The following RIPK4 variants were observed in gnomAD, a reference collection of about 807,000 sequenced individuals.
The protein encoded by RIPK4 is receptor-interacting serine/threonine-protein kinase 4.
RIPK4 carries 17 observed loss-of-function variants against 42.9 expected under a neutral mutation model. That is an observed-to-expected ratio of 0.40 (90% CI 0.27 to 0.59). The LOEUF (loss-of-function observed/expected upper bound fraction) is 0.59, where lower values mean the gene tolerates loss of function less well. Ranked by LOEUF, RIPK4 falls within the 20% of genes least tolerant of loss-of-function variation. The pLI, the probability that RIPK4 is intolerant of heterozygous loss-of-function variation, is 0.47. For missense variants in RIPK4, 897 were observed against 1,104.4 expected (o/e 0.81, Z 2.66); for synonymous variants, 498 against 499.1 (o/e 1.00, Z 0.03).
chr21:41,752,302 A>G (rs1432223313), intron 2 of RIPK4, among the ~76,000 whole-genome samples: 1 of 152,214 alleles, frequency 6.6e-6, no homozygotes, highest in Non-Finnish European at 1.5e-5. Context: ...AGGCTGAGTC[A>G]GGCCTTAATT....
At chr21:41,757,794 T>C (rs1484887113) in intron 1 of RIPK4, among the ~76,000 whole-genome samples, 3 of 149,130 alleles carry the variant, frequency 2.0e-5, no homozygotes, top group Admixed American at 1.3e-4. Flanking sequence ...AGGTCAGGAG[T>C]TCGAGACCAG....
intron 1 of RIPK4, among the ~76,000 whole-genome samples, chr21:41,759,779 C>T (rs542490763): frequency 1.2e-4 from 18 of 152,300 alleles, no homozygotes; most frequent in Admixed American, 1.0e-3. Flanking sequence ...GAGAGTTCAG[C>T]CCCTCCTAGG....
intron 1 of RIPK4, 65 bp downstream of exon 1, chr21:41,766,795 G>A: frequency 6.6e-7 from 1 of 1,512,608 alleles, no homozygotes; most frequent in South Asian, 1.2e-5. Context: ...CCCGGGACCA[G>A]AGCACCCCGA....
At chr21:41,760,587 C>A (rs1380903978) in intron 1 of RIPK4, among the ~76,000 whole-genome samples, 1 of 152,170 alleles carries the variant, frequency 6.6e-6, no homozygotes. Context: ...CTTGGCAAAG[C>A]AGAGAGGGGA....
Position 41,742,089 on chromosome 21 carries a change from G to A in RIPK4, c.1196-92C>T. On this transcript the variant is annotated intron_variant, in intron 7 of 7. Transcript: ENST00000332512. The surrounding 1 kb of genome is among the most constrained non-coding windows in gnomAD (Gnocchi z 5.1). ...GCCTGGCTGTGGCGCTCAGGTGGAG[G>A]AGTGCCATGGCCTCCAGGCTGCTCG... 1 of 1,144,018 alleles carries A rather than the reference G, an allele frequency of 8.7e-7. No homozygotes were observed. The highest frequency in any genetic ancestry group is 1.2e-6 in the Non-Finnish European group (1 of 803,684). The allele number at this position is 1,144,018 out of a possible 1,614,324, so 70.9% of individuals were successfully genotyped here.
Position 41,742,031 on chromosome 21 carries a change from G to A in RIPK4, c.1196-34C>T, listed in dbSNP as rs1355371001. The A allele has an allele frequency of 6.5e-7, 1 of 1,535,642 alleles. No homozygotes were observed. Among genetic ancestry groups the A allele is most frequent in the Non-Finnish European group, 8.8e-7 (1 of 1,138,410 alleles). On this transcript the variant is annotated intron_variant, in intron 7 of 7. Transcript: ENST00000332512. This position sits in a 1 kb window ranked among gnomAD's most constrained non-coding sequence, Gnocchi z 5.1. ...AGAGGAGAGGCAAAGGTCAGAGCGTGGCTGCACATCCAGGGACGTGGCGTC... is the reference window on the plus strand; with the variant it reads ...AGAGGAGAGGCAAAGGTCAGAGCGTAGCTGCACATCCAGGGACGTGGCGTC...
intron 3 of RIPK4, among the ~76,000 whole-genome samples, 171 bp from the exon 4 acceptor site, chr21:41,749,374 G>A (rs1386538856): frequency 6.6e-6 from 1 of 152,046 alleles, no homozygotes; most frequent in African/African-American, 2.4e-5. Flanking sequence ...CTATAGTGAA[G>A]CCCAGCATGT....
chr21:41,753,201 T>C (rs1318928056), intron 2 of RIPK4, among the ~76,000 whole-genome samples: 2 of 151,594 alleles, frequency 1.3e-5, no homozygotes, highest in Non-Finnish European at 2.9e-5. Context: ...CCTTTTTTCA[T>C]AAAAGGAGGC....
chr21:41,746,423 G>A (rs566066541), intron 5 of RIPK4, among the ~76,000 whole-genome samples, 190 bp downstream of exon 5: 10 of 152,294 alleles, frequency 6.6e-5, no homozygotes, highest in South Asian at 6.2e-4. Context: ...TCCAGCTGCC[G>A]TGGCCGAGCC....
At chr21:41,748,261 A>G (rs2061177830) in intron 4 of RIPK4, among the ~76,000 whole-genome samples, 1 of 152,126 alleles carries the variant, frequency 6.6e-6, no homozygotes, top group African/African-American at 2.4e-5. Context: ...ACTTTCCCAT[A>G]CATCGGCTCC....
At position 41,741,360 on chromosome 21, in the gene RIPK4, G is replaced by C. The variant is rs146788763; in HGVS notation, c.1833C>G (p.Ala611=). The change falls in exon 8 of 8, where the codon GCC becomes GCG. Residue 611 remains alanine (A), a synonymous_variant. Transcript: ENST00000332512. The part of the protein sequence containing the change: ...TLDGRTPLHL[A]AQRGHYRVAR... The stretch of plus-strand genomic sequence containing the variant: ...CCACGCGGTAGTGCCCGCGCTGTGC[G>C]GCCAGGTGCAATGGCGTCCTCCCAT... The C allele has an allele frequency of 5.0e-6, 8 of 1,611,532 alleles. No homozygotes were observed. The highest frequency in any genetic ancestry group is 5.9e-6 in the Non-Finnish European group (7 of 1,179,824).
chr21:41,757,060 C>T (rs1389160993), intron 1 of RIPK4, among the ~76,000 whole-genome samples: 2 of 152,150 alleles, frequency 1.3e-5, no homozygotes, highest in African/African-American at 4.8e-5. Flanking sequence ...AAATTCTAAT[C>T]GTTTTACAGG....
At chr21:41,744,949 C>T (rs1415181614) in intron 6 of RIPK4, among the ~76,000 whole-genome samples, 5 of 152,168 alleles carry the variant, frequency 3.3e-5, no homozygotes, top group African/African-American at 7.2e-5. Flanking sequence ...CACGCTTCTT[C>T]CCTTAGGCAC....
In RIPK4 at chr21:41,741,158, G is replaced by A. The variant is rs750371364; in HGVS notation, c.2035C>T (p.Arg679Cys). The A allele has an allele frequency of 4.1e-5, 66 of 1,612,532 alleles. No individual in the cohort carries two copies. The highest frequency in any genetic ancestry group is 5.3e-5 in the African/African-American group (4 of 74,886). The change falls in exon 8 of 8, where the codon CGC becomes TGC. Residue 679 changes from arginine (R) to cysteine (C), a missense_variant. Arg to Cys is a radical substitution (Grantham distance 180). Transcript: ENST00000332512. ...TTGACAGTGGCCAGGTGTCCGTTGC[G>A]GGCAGCCAGGTGCAGAGCGGTGTAG... ...DGYTALHLAA[R>C]NGHLATVKLL...
At chr21:41,759,950 A>G (rs2061215880) in intron 1 of RIPK4, among the ~76,000 whole-genome samples, 1 of 152,226 alleles carries the variant, frequency 6.6e-6, no homozygotes, top group Non-Finnish European at 1.5e-5. Context: ...CAAGCCCTGC[A>G]GCTAGGGCTC....
intron 2 of RIPK4, among the ~76,000 whole-genome samples, chr21:41,754,498 C>G (rs531265332): frequency 6.6e-6 from 1 of 152,290 alleles, no homozygotes; most frequent in East Asian, 1.9e-4. Flanking sequence ...CAGCACCCAG[C>G]GTGCCTTCGA....
At chr21:41,753,562 C>T (rs2061194704) in intron 2 of RIPK4, among the ~76,000 whole-genome samples, 1 of 152,230 alleles carries the variant, frequency 6.6e-6, no homozygotes, top group South Asian at 2.1e-4. Flanking sequence ...CATCTTCCCA[C>T]CCAAGCTGCC....
At chr21:41,748,807 C>T (rs893791219) in intron 4 of RIPK4, among the ~76,000 whole-genome samples, 4 of 152,170 alleles carry the variant, frequency 2.6e-5, no homozygotes, top group Non-Finnish European at 5.9e-5. Context: ...TGGGCTTTGC[C>T]TTCTAGCATG....
At chr21:41,758,951 C>T (rs1054612666) in intron 1 of RIPK4, among the ~76,000 whole-genome samples, 1 of 152,164 alleles carries the variant, frequency 6.6e-6, no homozygotes, top group African/African-American at 2.4e-5. Context: ...CTGAATCCCA[C>T]GGACGCACGC....
Sources: allele counts gnomAD v4.1 joint callset (sites outside exome capture counted in the v4.1 genomes callset), GRCh38; gene constraint gnomAD v4.1.1; non-coding constraint Gnocchi (gnomAD v3.1); transcripts MANE v1.5; gene names NCBI Gene and HGNC (gene_info 2026-07-23, HGNC 2026-07-21).